Variants in SPAG16 observed in about 807,000 individuals in gnomAD.
SPAG16 encodes sperm-associated antigen 16 protein.
Under a neutral mutation model 80.4 loss-of-function variants are expected in SPAG16, and 86 were observed. The ratio of observed to expected loss-of-function variants is 1.07; its 90% CI spans 0.90 to 1.28. The LOEUF (loss-of-function observed/expected upper bound fraction) is 1.28, where lower values mean the gene tolerates loss of function less well. SPAG16 is among the 50% of genes most tolerant of loss of function. The pLI, the probability that SPAG16 is intolerant of heterozygous loss-of-function variation, is 0.00. For synonymous variants in SPAG16, 294 were observed against 265.9 expected (o/e 1.11, Z -1.03); for missense variants, 870 against 765.3 (o/e 1.14, Z -1.61).
At chr2:214,086,333 C>T (rs1168685661) in intron 13 of SPAG16, among the ~76,000 whole-genome samples, 2 of 152,092 alleles carry the variant, frequency 1.3e-5, no homozygotes, top group African/African-American at 4.8e-5. Flanking sequence ...TTATTATGTA[C>T]CAAGCAAGAA....
intron 11 of SPAG16, among the ~76,000 whole-genome samples, chr2:213,904,294 C>T (rs2077344170): frequency 2.0e-5 from 3 of 152,130 alleles, no homozygotes; most frequent in Non-Finnish European, 2.9e-5. Flanking sequence ...TTTAATTGGA[C>T]TTACATAGTT....
At chr2:214,406,886 G>T (rs1222640067) in intron 15 of SPAG16, among the ~76,000 whole-genome samples, 2 of 151,980 alleles carry the variant, frequency 1.3e-5, no homozygotes, top group African/African-American at 4.8e-5. Flanking sequence ...ATAAAAATAA[G>T]TATTGATTAT....
intron 15 of SPAG16, among the ~76,000 whole-genome samples, chr2:214,177,967 GTATGTATATATA>G (rs1559108143): frequency 5.5e-5 from 1 of 18,166 alleles, no homozygotes. Flanking sequence ...TTCACAAAGT[GTATGTATATATA>G]TATATATATA....
intron 11 of SPAG16, among the ~76,000 whole-genome samples, chr2:213,877,472 A>G (rs720016): frequency 0.59 from 90,332 of 151,898 alleles, 28,740 homozygotes; most frequent in South Asian, 0.85. Context: ...ACCACACCCA[A>G]CTAATTAAAA....
intron 10 of SPAG16, among the ~76,000 whole-genome samples, chr2:213,619,139 T>C (rs1275621752): frequency 6.6e-6 from 1 of 152,268 alleles, no homozygotes; most frequent in Admixed American, 6.5e-5. Flanking sequence ...GGAAGGATGA[T>C]AGGTATCAGA....
intron 10 of SPAG16, among the ~76,000 whole-genome samples, chr2:213,683,960 G>A (rs748247752): frequency 4.6e-5 from 7 of 152,116 alleles, no homozygotes; most frequent in Non-Finnish European, 7.4e-5. Context: ...TTGAAATGTA[G>A]GAAAGCGTTT....
chr2:213,708,639 A>G (rs1414871616), intron 10 of SPAG16, among the ~76,000 whole-genome samples: 1 of 152,114 alleles, frequency 6.6e-6, no homozygotes, highest in Non-Finnish European at 1.5e-5. Flanking sequence ...ATAGTATTTG[A>G]AATCTCTACT....
At chr2:213,849,873 A>C (rs1250532709) in intron 10 of SPAG16, among the ~76,000 whole-genome samples, 2 of 152,258 alleles carry the variant, frequency 1.3e-5, no homozygotes, top group African/African-American at 2.4e-5. Flanking sequence ...TGAAATAACC[A>C]AATAAACTTT....
chr2:214,402,358 C>T (rs574617599), intron 15 of SPAG16, among the ~76,000 whole-genome samples: 31 of 152,068 alleles, frequency 2.0e-4, no homozygotes, highest in African/African-American at 7.5e-4. Context: ...TTCATATTGA[C>T]AACCGAGGTC....
At chr2:213,294,215 G>A (rs545650104) in intron 1 of SPAG16, among the ~76,000 whole-genome samples, 117 of 152,296 alleles carry the variant, frequency 7.7e-4, no homozygotes, top group African/African-American at 2.6e-3. Flanking sequence ...CACTTAGCAT[G>A]ACCTTCAGGT....
At chr2:213,309,004 C>T (rs1575148361) in intron 3 of SPAG16, among the ~76,000 whole-genome samples, 1 of 152,118 alleles carries the variant, frequency 6.6e-6, no homozygotes, top group Non-Finnish European at 1.5e-5. Context: ...ACACCTTGTA[C>T]ACACAGCCTG....
At chr2:213,825,397 C>A (rs918664117) in intron 10 of SPAG16, among the ~76,000 whole-genome samples, 5 of 151,968 alleles carry the variant, frequency 3.3e-5, no homozygotes, top group Non-Finnish European at 7.4e-5. Context: ...AGGTATGTTC[C>A]TTCTATTCCC....
chr2:213,535,085 T>C (rs1039217063), intron 10 of SPAG16, among the ~76,000 whole-genome samples: 2 of 152,106 alleles, frequency 1.3e-5, no homozygotes, highest in Admixed American at 1.3e-4. Flanking sequence ...GAAAATAAAT[T>C]TATGTTATTT....
chr2:214,147,361 AT>A (rs2055701591), intron 14 of SPAG16, among the ~76,000 whole-genome samples: 1 of 152,186 alleles, frequency 6.6e-6, no homozygotes, highest in African/African-American at 2.4e-5. Flanking sequence ...AAATTTTAAT[AT>A]TCAATGGGAT....
chr2:214,046,177 A>G (rs2049315866), intron 13 of SPAG16, among the ~76,000 whole-genome samples: 2 of 152,174 alleles, frequency 1.3e-5, no homozygotes, highest in African/African-American at 2.4e-5. Flanking sequence ...TAAACAGACC[A>G]ATAACAAGTA....
rs1310427995 is a variant in SPAG16 at position 213,498,480 on chromosome 2, G to T, written c.1070+8390G>T. Reference sequence around the variant, plus strand: ...TTTTCATATTAAAAGTGCTTTTATAGTCTAATAGAAAGTAATAAAACTTTT... The same window carrying T: ...TTTTCATATTAAAAGTGCTTTTATATTCTAATAGAAAGTAATAAAACTTTT... On this transcript the variant is annotated intron_variant, in intron 10 of 15. Coordinates refer to ENST00000331683, the MANE Select transcript of SPAG16 (RefSeq NM_024532.5). Among the ~76,000 whole-genome samples, 5 of 152,138 alleles carry T rather than the reference G, an allele frequency of 3.3e-5. No individual in the cohort carries two copies. In the South Asian group the frequency reaches 1.0e-3, roughly 32 times the overall value.
rs893146708 is a variant in SPAG16, at chr2:214,205,221, CA to C, written c.1720+55964del. 1.9e-4 allele frequency among the ~76,000 whole-genome samples: 25 copies of C among 133,842 alleles called. 1 individual carries two copies. The highest frequency in any genetic ancestry group is 1.7e-3 in the South Asian group (7 of 4,188). The allele number at this position is 133,842 out of a possible 152,430, so 87.8% of individuals were successfully genotyped here. A position where few individuals can be genotyped will look rare whatever the true frequency, so the allele number is the denominator to read the frequency against. ...CCTGGGCAACAGAGCGAGACTCTGCCAAAAAAAAAGAAAGAAGAAGAAGCTA... is the reference window on the plus strand; with the variant it reads ...CCTGGGCAACAGAGCGAGACTCTGCCAAAAAAAAGAAAGAAGAAGAAGCTA... On this transcript the variant is annotated intron_variant, in intron 15 of 15. Coordinates refer to ENST00000331683, the MANE Select transcript of SPAG16 (RefSeq NM_024532.5).
chr2:213,308,396 T>C (rs2063039954), intron 3 of SPAG16, among the ~76,000 whole-genome samples: 1 of 152,158 alleles, frequency 6.6e-6, no homozygotes, highest in African/African-American at 2.4e-5. Context: ...TTATCCAAAA[T>C]GCTTGGGACC....
intron 15 of SPAG16, among the ~76,000 whole-genome samples, chr2:214,218,309 C>A (rs947196462): frequency 6.6e-6 from 1 of 152,150 alleles, no homozygotes; most frequent in African/African-American, 2.4e-5. Context: ...CCTAGAAGTC[C>A]TGAAGCCACC....
Sources: gnomAD v4.1 joint callset for allele counts (sites outside exome capture counted in the v4.1 genomes callset) on GRCh38, gnomAD v4.1.1 for gene constraint, MANE v1.5 for transcripts, NCBI Gene and HGNC (gene_info 2026-07-23, HGNC 2026-07-21) for gene names.